SNX29: variants seen among roughly 807,000 people sequenced by gnomAD.
SNX29 encodes sorting nexin-29.
Under a neutral mutation model 102.1 loss-of-function variants are expected in SNX29, and 78 were observed. The ratio of observed to expected loss-of-function variants is 0.76; its 90% CI spans 0.64 to 0.92. The LOEUF is 0.92. SNX29 is among the 40% of genes least tolerant of loss of function. The probability of loss-of-function intolerance (pLI) is 0.00; values close to 1 mark genes in which losing one functional copy is unlikely to be tolerated. For synonymous variants in SNX29, 580 were observed against 414.5 expected, an observed-to-expected ratio of 1.40 and a Z score of -4.85; for missense variants, 1,280 against 1,061.7, an observed-to-expected ratio of 1.21 and a Z score of -2.86.
chr16:12,406,096 G>T (rs956103812), intron 18 of SNX29, among the ~76,000 whole-genome samples: 6 of 151,590 alleles, frequency 4.0e-5, no homozygotes, highest in Non-Finnish European at 7.4e-5. Context: ...CTAGAGAAAC[G>T]TCTAAAAAAG....
intron 17 of SNX29, among the ~76,000 whole-genome samples, chr16:12,401,717 T>C (rs895809338): frequency 1.3e-5 from 2 of 152,278 alleles, no homozygotes; most frequent in Admixed American, 6.5e-5. Flanking sequence ...TAAAACTGAA[T>C]GCTCCAGAAG....
At chr16:12,549,862 A>C (rs2077856121) in intron 20 of SNX29, among the ~76,000 whole-genome samples, 1 of 152,276 alleles carries the variant, frequency 6.6e-6, no homozygotes, top group African/African-American at 2.4e-5. Flanking sequence ...GTGGTGAAAC[A>C]GCCAAAGATG....
In SNX29 at chr16:12,357,662, G is replaced by A. The variant is rs747137711; in HGVS notation, c.1899+1383G>A. Among the ~76,000 whole-genome samples, 6 of 152,042 alleles carry A rather than the reference G, an allele frequency of 3.9e-5. No homozygotes were observed. In the South Asian group the frequency reaches 1.0e-3, roughly 26 times the overall value. On this transcript the variant is annotated intron_variant, in intron 16 of 20. Coordinates refer to ENST00000566228, the MANE Select transcript of SNX29 (RefSeq NM_032167.5). Reference sequence around the variant, plus strand: ...TCTCCAGAACTTTTCCATCTTCCCCGACTGAAGCTGTCCCCTTTAAACAGT... The same window carrying A: ...TCTCCAGAACTTTTCCATCTTCCCCAACTGAAGCTGTCCCCTTTAAACAGT...
chr16:12,201,474 T>A (rs1239667964), intron 14 of SNX29, among the ~76,000 whole-genome samples: 1 of 152,208 alleles, frequency 6.6e-6, no homozygotes, highest in African/African-American at 2.4e-5. Context: ...TAAAGTTTGT[T>A]ATTAGAGGCT....
Position 12,569,893 on chromosome 16 carries a change from C to G in SNX29, c.*1264C>G, listed in dbSNP as rs1242427497. On this transcript the variant is annotated 3_prime_UTR_variant, in exon 21 of 21. Transcript: ENST00000566228. Reference sequence around the variant, plus strand: ...GCAAGAGTAAGTTTGTGTGTTTCGCCTTAATCTGAGGCAGAGACACAGCAG... The same window carrying G: ...GCAAGAGTAAGTTTGTGTGTTTCGCGTTAATCTGAGGCAGAGACACAGCAG... The G allele has an allele frequency of 4.3e-6, 1 of 231,504 alleles. No homozygotes were observed. Among genetic ancestry groups the G allele is most frequent in the Non-Finnish European group, 8.5e-6 (1 of 117,104 alleles). 14.3% of individuals were successfully genotyped at this position (231,504 alleles called of 1,614,324 possible).
chr16:12,384,007 A>C (rs1197193258), intron 16 of SNX29, among the ~76,000 whole-genome samples: 1 of 152,186 alleles, frequency 6.6e-6, no homozygotes, highest in Non-Finnish European at 1.5e-5. Flanking sequence ...TTCACTTAAC[A>C]TAGTGGCCTC....
chr16:12,072,598 A>G (rs1407286419), intron 10 of SNX29, among the ~76,000 whole-genome samples: 3 of 152,114 alleles, frequency 2.0e-5, no homozygotes, highest in Non-Finnish European at 4.4e-5. Context: ...TTTTGCATCA[A>G]TGTTCATCAA....
At chr16:12,017,174 G>A (rs1202429646) in intron 3 of SNX29, among the ~76,000 whole-genome samples, 1 of 152,120 alleles carries the variant, frequency 6.6e-6, no homozygotes, top group Non-Finnish European at 1.5e-5. Context: ...TTGCAGAAAG[G>A]TATAGCAATT....
intron 13 of SNX29, among the ~76,000 whole-genome samples, chr16:12,184,572 A>G (rs1429429802): frequency 3.3e-5 from 5 of 152,168 alleles, no homozygotes; most frequent in East Asian, 1.9e-4. Context: ...CAAACTCTCC[A>G]TGCCTTGTTA....
At chr16:12,433,650 A>T (rs1281215355) in intron 18 of SNX29, among the ~76,000 whole-genome samples, 2 of 48,078 alleles carry the variant, frequency 4.2e-5, no homozygotes, top group Admixed American at 2.2e-4. Flanking sequence ...AAAAAAAAAA[A>T]GGAAACTTAG....
intron 20 of SNX29, among the ~76,000 whole-genome samples, chr16:12,535,131 T>C (rs533623464): frequency 6.6e-5 from 10 of 152,288 alleles, no homozygotes; most frequent in Admixed American, 2.6e-4. Flanking sequence ...GGTCCAGGTA[T>C]TAGGCCAGGA....
At chr16:12,560,567 C>A (rs1466198711) in intron 20 of SNX29, among the ~76,000 whole-genome samples, 1 of 152,170 alleles carries the variant, frequency 6.6e-6, no homozygotes, top group Non-Finnish European at 1.5e-5. Flanking sequence ...CAGTGTGATT[C>A]CTTGGGGTCT....
At chr16:12,520,836 C>T (rs756502780) in intron 19 of SNX29, among the ~76,000 whole-genome samples, 6 of 151,992 alleles carry the variant, frequency 3.9e-5, no homozygotes, top group African/African-American at 7.3e-5. Flanking sequence ...GATAAATGAC[C>T]GCATATTTGA....
intron 15 of SNX29, among the ~76,000 whole-genome samples, chr16:12,324,435 TTTTG>T (rs902614199): frequency 2.6e-5 from 4 of 152,134 alleles, no homozygotes; most frequent in Non-Finnish European, 2.9e-5. Context: ...GGCATCTGTT[TTTTG>T]TTTGTTTGTT....
intron 20 of SNX29, among the ~76,000 whole-genome samples, chr16:12,552,058 C>G (rs943733316): frequency 6.6e-6 from 1 of 150,640 alleles, no homozygotes; most frequent in Non-Finnish European, 1.5e-5. Context: ...ATTTTTGGGG[C>G]ACTGAATCTC....
chr16:12,181,024 C>T (rs1225710755), intron 13 of SNX29, among the ~76,000 whole-genome samples: 13 of 152,102 alleles, frequency 8.5e-5, no homozygotes, highest in Admixed American at 8.5e-4. Context: ...ACTGCAGGGC[C>T]CAGTCCTGGA....
At chr16:12,228,315 C>T (rs1390360865) in intron 14 of SNX29, among the ~76,000 whole-genome samples, 1 of 152,154 alleles carries the variant, frequency 6.6e-6, no homozygotes, top group African/African-American at 2.4e-5. Flanking sequence ...TACTTTTCCC[C>T]AATGATCCCT....
At chr16:12,161,582 C>G (rs1407484696) in intron 13 of SNX29, among the ~76,000 whole-genome samples, 1 of 152,176 alleles carries the variant, frequency 6.6e-6, no homozygotes, top group Admixed American at 6.5e-5. Context: ...CCCTCCAAAT[C>G]TTACGTTAAA....
At chr16:12,034,239 T>A (rs1402563675) in intron 4 of SNX29, among the ~76,000 whole-genome samples, 2 of 152,362 alleles carry the variant, frequency 1.3e-5, no homozygotes, top group East Asian at 3.8e-4. Flanking sequence ...GGAAGCTGCA[T>A]GTGCCAGGGG....
Sources: gnomAD v4.1 joint callset for allele counts (sites outside exome capture counted in the v4.1 genomes callset) on GRCh38, gnomAD v4.1.1 for gene constraint, MANE v1.5 for transcripts, NCBI Gene and HGNC (gene_info 2026-07-23, HGNC 2026-07-21) for gene names.